The following ITGAE variants were observed in gnomAD, a reference collection of about 807,000 sequenced individuals.
ITGAE encodes the protein integrin alpha-E.
ITGAE carries 99 observed loss-of-function variants against 136.5 expected under a neutral mutation model. The observed-to-expected ratio is 0.73, with a 90% CI of 0.62 to 0.86. The LOEUF (loss-of-function observed/expected upper bound fraction) is 0.86, where lower values mean the gene tolerates loss of function less well. Among genes scored for constraint, ITGAE ranks in the 40% least tolerant of loss-of-function variants. ITGAE has a pLI of 0.00. For missense variants in ITGAE, 1,447 were observed against 1,515.3 expected (o/e 0.95, Z 0.75); for synonymous variants, 613 against 591.8 (o/e 1.04, Z -0.52).
At chr17:3,731,362 G>C (rs1386109680) in intron 22 of ITGAE, among the ~76,000 whole-genome samples, 179 bp from the exon 23 acceptor site, 2 of 129,886 alleles carry the variant, frequency 1.5e-5, no homozygotes, top group African/African-American at 2.9e-5. Flanking sequence ...TTTTTTTTGA[G>C]AGGGAGTCTC....
chr17:3,735,314 C>T (rs910758964), intron 20 of ITGAE, among the ~76,000 whole-genome samples: 1 of 152,134 alleles, frequency 6.6e-6, no homozygotes. Context: ...ATTACAGGCA[C>T]GCGCCACCAT....
chr17:3,761,443 A>T lies in ITGAE; in HGVS notation c.393T>A (p.Pro131=), dbSNP rs762165442. The T allele has an allele frequency of 6.2e-7, 1 of 1,613,910 alleles. No homozygotes were observed. The highest frequency in any genetic ancestry group is 8.5e-7 in the Non-Finnish European group (1 of 1,179,952). ...ELTGTCSLLG[P]DLRPQAQANF... is the part of the protein sequence containing the mutation. ...TGGCCTGAGCCTGGGGACGGAGGTC[A>T]GGGCCCAGGAGGCTACAGGTGCCTG... Residue 131 remains proline (P), a synonymous_variant, in exon 5 of 31, where the codon CCT becomes CCA. Transcript: ENST00000263087.
intron 8 of ITGAE, 127 bp downstream of exon 8, chr17:3,759,275 C>A: frequency 9.1e-7 from 1 of 1,100,224 alleles, no homozygotes; most frequent in Non-Finnish European, 1.3e-6. Context: ...CACGTTCTCT[C>A]TCGGCCAGGG....
At chr17:3,751,008 A>C (rs1242700442) in intron 15 of ITGAE, among the ~76,000 whole-genome samples, 1 of 151,760 alleles carries the variant, frequency 6.6e-6, no homozygotes, top group African/African-American at 2.4e-5. Context: ...AGACAGCTAG[A>C]ATCATGAGGA....
intron 1 of ITGAE, among the ~76,000 whole-genome samples, chr17:3,800,386 T>C (rs1392266495): frequency 6.6e-6 from 1 of 152,150 alleles, no homozygotes; most frequent in Non-Finnish European, 1.5e-5. Context: ...GGAAGTCTGC[T>C]CAGATCACTA....
At chr17:3,783,814 TAGGA>T (rs1480654611) in intron 1 of ITGAE, among the ~76,000 whole-genome samples, 1 of 152,230 alleles carries the variant, frequency 6.6e-6, no homozygotes, top group Non-Finnish European at 1.5e-5. Flanking sequence ...TTTGATTCAC[TAGGA>T]AGATGTGACA....
At chr17:3,725,143 G>A in intron 26 of ITGAE, 1 of 1,614,182 alleles carries the variant, frequency 6.2e-7, no homozygotes. Context: ...TCAGAGGTCT[G>A]CAGCATCTAT....
intron 19 of ITGAE, among the ~76,000 whole-genome samples, chr17:3,742,622 T>A (rs1467073658): frequency 6.6e-6 from 1 of 152,056 alleles, no homozygotes; most frequent in East Asian, 1.9e-4. Context: ...ACTGGGCTAA[T>A]CTTTGTATTT....
At chr17:3,795,796 CGT>C (rs555925364) in intron 1 of ITGAE, among the ~76,000 whole-genome samples, 2 of 151,518 alleles carry the variant, frequency 1.3e-5, no homozygotes, top group Admixed American at 6.6e-5. Flanking sequence ...TGTGTGCATC[CGT>C]GTGTGCTTGT....
Position 3,761,017 on chromosome 17 carries a change from TTCC to T in ITGAE, c.591_593del (p.Glu198del), listed in dbSNP as rs746228000. On this transcript the variant is annotated inframe_deletion, in exon 6 of 31. Transcript: ENST00000263087. ...CCCAGATCTGCCTCTTCTCACCAGC[TTCC>T]TCCTCCTCCTCGTCTTCCTCCTCCT... 62 of 1,599,936 alleles carry T rather than the reference TTCC, an allele frequency of 3.9e-5. No homozygotes were observed. The highest frequency in any genetic ancestry group is 9.9e-5 in the South Asian group (9 of 90,646).
chr17:3,726,078 G>T, intron 26 of ITGAE: 1 of 1,614,168 alleles, frequency 6.2e-7, no homozygotes, highest in Non-Finnish European at 8.5e-7. Flanking sequence ...TACCGGTGAC[G>T]GTGACTACCA....
intron 24 of ITGAE, chr17:3,728,454 A>G (rs2051267663): frequency 3.6e-6 from 1 of 280,510 alleles, no homozygotes; most frequent in Non-Finnish European, 6.6e-6. Flanking sequence ...GCTCACTGCA[A>G]CCTCTGCCTC....
At chr17:3,758,737 C>G (rs1056592068) in intron 8 of ITGAE, among the ~76,000 whole-genome samples, 1 of 151,694 alleles carries the variant, frequency 6.6e-6, no homozygotes, top group African/African-American at 2.4e-5. Flanking sequence ...CAAGCATGAG[C>G]TACCACGCTC....
rs544026097 is a variant in ITGAE at position 3,723,180 on chromosome 17, A to C, written c.3237+108T>G. On this transcript the variant is annotated intron_variant, in intron 28 of 30. Coordinates refer to ENST00000263087, the MANE Select transcript of ITGAE (RefSeq NM_002208.5). ...GAGGGTTGGTTTTTTGCACCAAAAG[A>C]TCTATTTTGGACATGGACATGTTAT... is the stretch of plus-strand genomic sequence containing the variant. The C allele has an allele frequency of 1.6e-4, 127 of 804,010 alleles. No individual in the cohort carries two copies. The African/African-American group carries it at 1.7e-3, about 11-fold the overall frequency. The allele number at this position is 804,010 out of a possible 1,614,324, so 49.8% of individuals were successfully genotyped here.
chr17:3,724,028 C>T (rs1430398993), intron 26 of ITGAE: 2 of 1,591,192 alleles, frequency 1.3e-6, no homozygotes, highest in African/African-American at 2.7e-5. Flanking sequence ...GCCGGGAAGC[C>T]GCGCAGTGGT....
At chr17:3,760,946 T>C (rs2052149009) in intron 6 of ITGAE, 67 bp downstream of exon 6, 12 of 1,544,266 alleles carry the variant, frequency 7.8e-6, no homozygotes, top group Non-Finnish European at 1.0e-5. Flanking sequence ...CCCCTCACCC[T>C]TGGAGGCCAC....
At chr17:3,794,473 G>A (rs2053015124) in intron 1 of ITGAE, among the ~76,000 whole-genome samples, 1 of 152,134 alleles carries the variant, frequency 6.6e-6, no homozygotes, top group African/African-American at 2.4e-5. Context: ...GAGTCCAAGG[G>A]GGCACACACT....
At chr17:3,771,875 T>C (rs1369403190) in intron 2 of ITGAE, among the ~76,000 whole-genome samples, 1 of 151,884 alleles carries the variant, frequency 6.6e-6, no homozygotes, top group African/African-American at 2.4e-5. Context: ...TTGATAAAAT[T>C]TTACCCAAAC....
At chr17:3,762,039 G>A (rs2052185708) in intron 3 of ITGAE, 57 bp from the exon 4 acceptor site, 10 of 1,481,356 alleles carry the variant, frequency 6.8e-6, no homozygotes, top group Admixed American at 1.7e-5. Flanking sequence ...GCAGAGACCC[G>A]AAGCCAAGGT....
Sources: gnomAD v4.1 joint callset for allele counts (sites outside exome capture counted in the v4.1 genomes callset) on GRCh38, gnomAD v4.1.1 for gene constraint, MANE v1.5 for transcripts, NCBI Gene and HGNC (gene_info 2026-07-23, HGNC 2026-07-21) for gene names.